The following ADAMTS3 variants were observed in gnomAD, a reference collection of about 807,000 sequenced individuals.
ADAMTS3 encodes the protein A disintegrin and metalloproteinase with thrombospondin motifs 3.
In ADAMTS3, 73 loss-of-function variants were observed where a neutral mutation model predicts 129.0. That is an observed-to-expected ratio of 0.57 (90% CI 0.47 to 0.69). ADAMTS3 has a LOEUF of 0.69. Among genes scored for constraint, ADAMTS3 ranks in the 30% least tolerant of loss-of-function variants. ADAMTS3 has a pLI of 0.00. For synonymous variants in ADAMTS3, 477 were observed against 510.8 expected (o/e 0.93, Z 0.89); for missense variants, 1,457 against 1,514.5 (o/e 0.96, Z 0.63).
At chr4:72,486,459 T>G (rs1043743989) in intron 3 of ADAMTS3, among the ~76,000 whole-genome samples, 102 of 152,302 alleles carry the variant, frequency 6.7e-4, no homozygotes, top group Middle Eastern at 3.4e-3. Flanking sequence ...AGGTTCTATG[T>G]CTATTTCACA....
chr4:72,530,259 A>G (rs1204221589), intron 3 of ADAMTS3, among the ~76,000 whole-genome samples: 18 of 81,500 alleles, frequency 2.2e-4, no homozygotes, highest in Admixed American at 7.1e-4. Context: ...ATATATTTAT[A>G]TTATATATAA....
chr4:72,459,790 C>T (rs1005706143), intron 3 of ADAMTS3, among the ~76,000 whole-genome samples: 7 of 151,342 alleles, frequency 4.6e-5, no homozygotes, highest in African/African-American at 1.5e-4. Context: ...TGGATTTTTT[C>T]GGATTTTGGA....
chr4:72,305,135 C>T (rs1420299064), intron 16 of ADAMTS3, among the ~76,000 whole-genome samples: 2 of 151,978 alleles, frequency 1.3e-5, no homozygotes, highest in South Asian at 4.2e-4. Context: ...TTCTTATAGG[C>T]CAAGGAATAA....
At chr4:72,515,392 A>T (rs1720439984) in intron 3 of ADAMTS3, among the ~76,000 whole-genome samples, 1 of 151,814 alleles carries the variant, frequency 6.6e-6, no homozygotes, top group South Asian at 2.1e-4. Context: ...CTAGTTCTAG[A>T]TCCTTGAGGA....
chr4:72,315,392 T>A (rs1719363663), intron 11 of ADAMTS3, among the ~76,000 whole-genome samples: 1 of 152,174 alleles, frequency 6.6e-6, no homozygotes, highest in Non-Finnish European at 1.5e-5. Flanking sequence ...GTTACATGTA[T>A]CCTTATAAGA....
chr4:72,409,199 G>A (rs1440256261), intron 4 of ADAMTS3, among the ~76,000 whole-genome samples: 1 of 152,136 alleles, frequency 6.6e-6, no homozygotes, highest in Non-Finnish European at 1.5e-5. Flanking sequence ...GTTGACATGC[G>A]AGAAAGCAAA....
intron 3 of ADAMTS3, among the ~76,000 whole-genome samples, chr4:72,476,811 C>T (rs917240045): frequency 6.6e-6 from 1 of 152,004 alleles, no homozygotes; most frequent in Non-Finnish European, 1.5e-5. Flanking sequence ...AAGAATCATA[C>T]AACATGGCCT....
intron 5 of ADAMTS3, among the ~76,000 whole-genome samples, chr4:72,332,591 C>CTATT (rs1332146325): frequency 6.6e-6 from 1 of 152,116 alleles, no homozygotes; most frequent in African/African-American, 2.4e-5. Flanking sequence ...GGCATAAATT[C>CTATT]TATTTACAGG....
At chr4:72,566,720 G>C (rs761230087) in intron 2 of ADAMTS3, among the ~76,000 whole-genome samples, 4 of 152,192 alleles carry the variant, frequency 2.6e-5, no homozygotes, top group Non-Finnish European at 5.9e-5. Context: ...CTTCAAGAAA[G>C]ACCATGGACT....
chr4:72,433,068 A>G (rs1003670975), intron 3 of ADAMTS3, among the ~76,000 whole-genome samples: 1 of 151,956 alleles, frequency 6.6e-6, no homozygotes, highest in Non-Finnish European at 1.5e-5. Flanking sequence ...AAAACAGTTT[A>G]CAGTATTGAA....
At chr4:72,517,372 C>T (rs200128489) in intron 3 of ADAMTS3, among the ~76,000 whole-genome samples, 1 of 152,116 alleles carries the variant, frequency 6.6e-6, no homozygotes, top group Non-Finnish European at 1.5e-5. Flanking sequence ...GGGAGGATTC[C>T]CTCTTTTTCT....
chr4:72,455,386 A>C (rs1718519081), intron 3 of ADAMTS3, among the ~76,000 whole-genome samples: 1 of 151,546 alleles, frequency 6.6e-6, no homozygotes, highest in Non-Finnish European at 1.5e-5. Context: ...AGAAAACCAA[A>C]CACCACATGT....
At chr4:72,302,523 A>C (rs1177133118) in intron 17 of ADAMTS3, among the ~76,000 whole-genome samples, 1 of 152,098 alleles carries the variant, frequency 6.6e-6, no homozygotes, top group African/African-American at 2.4e-5. Context: ...AACTGATTTA[A>C]GTGAGTCCTA....
intron 3 of ADAMTS3, among the ~76,000 whole-genome samples, chr4:72,425,819 C>T (rs1170367808): frequency 6.6e-6 from 1 of 151,562 alleles, no homozygotes; most frequent in East Asian, 1.9e-4. Context: ...TTTATAGCAG[C>T]ATGATTTATA....
rs1450130070 is a variant in ADAMTS3 at position 72,292,913 on chromosome 4, C to CCT, written c.2724-1852_2724-1851insAG. On this transcript the variant is annotated intron_variant, in intron 19 of 21. Transcript: ENST00000286657. ...GAATTTTGCTCAATTTTGAAGACTT[C>CCT]AGTGATGACTCTCTTTTGAAGACAA... Among the ~76,000 whole-genome samples the CCT allele has an allele frequency of 1.2e-3, 189 of 152,260 alleles. 2 individuals carry two copies. Among genetic ancestry groups the CCT allele is most frequent in the African/African-American group, 4.3e-3 (180 of 41,552 alleles).
intron 3 of ADAMTS3, among the ~76,000 whole-genome samples, chr4:72,490,535 A>G (rs1014902931): frequency 2.0e-5 from 3 of 151,912 alleles, no homozygotes; most frequent in African/African-American, 7.2e-5. Context: ...CATGCATTGT[A>G]AGATAAGGAT....
intron 4 of ADAMTS3, among the ~76,000 whole-genome samples, chr4:72,364,640 G>T (rs1282655196): frequency 6.6e-6 from 1 of 151,200 alleles, no homozygotes; most frequent in Non-Finnish European, 1.5e-5. Flanking sequence ...AATAAATGTT[G>T]TTCATAAGAA....
At chr4:72,406,589 C>T (rs571456633) in intron 4 of ADAMTS3, among the ~76,000 whole-genome samples, 171 of 152,090 alleles carry the variant, frequency 1.1e-3, no homozygotes, top group African/African-American at 3.9e-3. Context: ...GAGTTAGTTG[C>T]TTTAGTGTAG....
intron 3 of ADAMTS3, among the ~76,000 whole-genome samples, chr4:72,520,034 G>C (rs998896368): frequency 2.0e-5 from 3 of 151,698 alleles, no homozygotes; most frequent in Admixed American, 6.6e-5. Context: ...TGTCCTTTCT[G>C]TTTGTTAGTT....
Sources: gnomAD v4.1 joint callset for allele counts (sites outside exome capture counted in the v4.1 genomes callset) on GRCh38, gnomAD v4.1.1 for gene constraint, MANE v1.5 for transcripts, NCBI Gene and HGNC (gene_info 2026-07-23, HGNC 2026-07-21) for gene names.